Variants in PROP1 observed in about 807,000 individuals in gnomAD.
PROP1 encodes the protein homeobox protein prophet of Pit-1.
Under a neutral mutation model 22.3 loss-of-function variants are expected in PROP1, and 12 were observed. The ratio of observed to expected loss-of-function variants is 0.54; its 90% CI spans 0.34 to 0.87. The LOEUF (loss-of-function observed/expected upper bound fraction) is 0.87, where lower values mean the gene tolerates loss of function less well. PROP1 is among the 40% of genes least tolerant of loss of function. PROP1 has a pLI of 0.01. For missense variants in PROP1, 278 were observed against 295.1 expected, an observed-to-expected ratio of 0.94 and a Z score of 0.43; for synonymous variants, 112 against 116.7, an observed-to-expected ratio of 0.96 and a Z score of 0.26.
rs121917844 is a variant in PROP1 at position 177,994,153 on chromosome 5, G to T, written c.295C>A (p.Arg99=). The T allele has an allele frequency of 6.2e-7, 1 of 1,614,000 alleles. No homozygotes were observed. The highest frequency in any genetic ancestry group is 8.5e-7 in the Non-Finnish European group (1 of 1,180,014). ...CCAGTGTCCCGGGCAAGACTCTCTC[G>T]GGCCCAGATGTCGGGGTACTGGTTC... ...GRNQYPDIWA[R]ESLARDTGLS... Residue 99 remains arginine (R), a synonymous_variant, in exon 2 of 3, where the codon CGA becomes AGA. Transcript: ENST00000308304.
Position 177,992,906 on chromosome 5 carries a change from G to A in PROP1, c.484C>T (p.Pro162Ser), listed in dbSNP as rs1772689747. 1 of 1,613,772 alleles carries A rather than the reference G, an allele frequency of 6.2e-7. No homozygotes were observed. The highest frequency in any genetic ancestry group is 8.5e-7 in the Non-Finnish European group (1 of 1,179,992). The change falls in exon 3 of 3, where the codon CCA becomes TCA. Residue 162 changes from proline (P) to serine (S), a missense_variant. Pro to Ser is a moderately conservative substitution (Grantham distance 74). Coordinates refer to ENST00000308304, the MANE Select transcript of PROP1 (RefSeq NM_006261.5). ...GGGTGAGGGAAGCAGGTCACTGGTGGTGGTGGTGCTGCGTAAGAATAGGGG... is the reference window on the plus strand; with the variant it reads ...GGGTGAGGGAAGCAGGTCACTGGTGATGGTGGTGCTGCGTAAGAATAGGGG... The part of the protein sequence containing the change: ...ACPYSYAAPP[P>S]PVTCFPHPYS...
Position 177,994,321 on chromosome 5 carries a change from AGGGTGGAGCACTC to A in PROP1, c.114_126del (p.Ser39AlafsTer122). 6.2e-7 allele frequency: 1 copy of A among 1,603,676 alleles called. No individual in the cohort carries two copies. On this transcript the variant is annotated frameshift_variant, in exon 2 of 3. Coordinates refer to ENST00000308304, the MANE Select transcript of PROP1 (RefSeq NM_006261.5). LOFTEE classifies it high-confidence loss of function. ...CCTCCTGCACCAGGGAGCCTTCTGC[AGGGTGGAGCACTC>A]GAGTCTGAGAACGGAGAGAAGGGAG...
At chr5:177,994,504 C>A (rs971971381) in intron 1 of PROP1, among the ~76,000 whole-genome samples, 166 bp from the exon 2 acceptor site, 3 of 152,078 alleles carry the variant, frequency 2.0e-5, no homozygotes, top group African/African-American at 7.2e-5. Context: ...GTGGTGTGAT[C>A]ACAGCTCACT....
chr5:177,992,242 G>C lies in PROP1; in HGVS notation c.*467C>G, dbSNP rs1206636621. ...AAAAAAAAAAAAAAAAAAAAAAAAG[G>C]TATTTCTAGGACAGAATAAACAAAA... On this transcript the variant is annotated 3_prime_UTR_variant, in exon 3 of 3. Coordinates refer to ENST00000308304, the MANE Select transcript of PROP1 (RefSeq NM_006261.5). 1 of 136,108 alleles carries C rather than the reference G, an allele frequency of 7.3e-6. No individual in the cohort carries two copies. The highest frequency in any genetic ancestry group is 1.6e-5 in the Non-Finnish European group (1 of 63,688). The allele number at this position is 136,108 out of a possible 1,614,324, so 8.4% of individuals were successfully genotyped here.
rs761347600 is a variant in PROP1, at chr5:177,994,172, C to G, written c.276G>C (p.Gln92His). Residue 92 changes from glutamine to histidine, a missense_variant, in exon 2 of 3, where the codon CAG becomes CAC. Coordinates refer to ENST00000308304, the MANE Select transcript of PROP1 (RefSeq NM_006261.5). ...EQLESAFGRN[Q>H]YPDIWARESL... ...TCTCTCGGGCCCAGATGTCGGGGTA[C>G]TGGTTCCTCCCAAAGGCTGACTCCA... 2.0e-5 allele frequency: 32 copies of G among 1,614,168 alleles called. No individual in the cohort carries two copies. In the Middle Eastern group the frequency reaches 1.2e-3, roughly 58 times the overall value.
In PROP1 at chr5:177,994,226, G is replaced by A. The variant is rs1582663805; in HGVS notation, c.222C>T (p.Thr74=). The change falls in exon 2 of 3, where the codon ACC becomes ACT. Residue 74 remains threonine (T), a synonymous_variant. Transcript: ENST00000308304. ...GTTCCAACTGCACTGGGCTGAAGGT[G>A]GTGCGGTGGCGGCGCCGGGAGTGCG... ...GRPHSRRRHR[T]TFSPVQLEQL... 1.2e-6 allele frequency: 2 copies of A among 1,614,126 alleles called. No homozygotes were observed. The highest frequency in any genetic ancestry group is 1.7e-6 in the Non-Finnish European group (2 of 1,179,994).
Position 177,995,970 on chromosome 5 carries a change from A to C in PROP1, c.-37T>G. On this transcript the variant is annotated 5_prime_UTR_variant, in exon 1 of 3. Coordinates refer to ENST00000308304, the MANE Select transcript of PROP1 (RefSeq NM_006261.5). ...GGGACCAAGTGTCCCTGAATCTCTGACTTGAGATTTCTCTGCTTCCGCAGC... is the reference window on the plus strand; with the variant it reads ...GGGACCAAGTGTCCCTGAATCTCTGCCTTGAGATTTCTCTGCTTCCGCAGC... 6.4e-7 allele frequency: 1 copy of C among 1,564,602 alleles called. No homozygotes were observed. The highest frequency in any genetic ancestry group is 8.8e-7 in the Non-Finnish European group (1 of 1,137,824).
intron 1 of PROP1, among the ~76,000 whole-genome samples, chr5:177,995,191 T>G (rs1243381561): frequency 1.3e-5 from 2 of 151,866 alleles, no homozygotes; most frequent in African/African-American, 4.8e-5. Context: ...CTCCCCTACT[T>G]ACTTTTCATC....
At position 177,992,908 on chromosome 5, in the gene PROP1, G is replaced by C; in HGVS notation, c.482C>G (p.Pro161Arg). ...GTGAGGGAAGCAGGTCACTGGTGGT[G>C]GTGGTGCTGCGTAAGAATAGGGGCA... ...TACPYSYAAP[P>R]PPVTCFPHPY... Residue 161 changes from proline to arginine, a missense_variant, in exon 3 of 3, where the codon CCA becomes CGA. Pro to Arg is a moderately radical substitution (Grantham distance 103, BLOSUM62 -2). Transcript: ENST00000308304. 1 of 1,613,868 alleles carries C rather than the reference G, an allele frequency of 6.2e-7. No homozygotes were observed. The highest frequency in any genetic ancestry group is 8.5e-7 in the Non-Finnish European group (1 of 1,179,970).
At chr5:177,993,725 C>G (rs1442413891) in intron 2 of PROP1, among the ~76,000 whole-genome samples, 1 of 152,138 alleles carries the variant, frequency 6.6e-6, no homozygotes, top group East Asian at 1.9e-4. Flanking sequence ...GCCACTATGC[C>G]TGGCTAATTT....
In PROP1 at chr5:177,995,981, C is replaced by A. The variant is rs760398310; in HGVS notation, c.-48G>T. 2 of 1,528,462 alleles carry A rather than the reference C, an allele frequency of 1.3e-6. No individual in the cohort carries two copies. Among genetic ancestry groups the A allele is most frequent in the Non-Finnish European group, 1.8e-6 (2 of 1,106,638 alleles). 94.7% of individuals were successfully genotyped at this position (1,528,462 alleles called of 1,614,324 possible). On this transcript the variant is annotated 5_prime_UTR_variant, in exon 1 of 3. Transcript: ENST00000308304. ...TCCCTGAATCTCTGACTTGAGATTTCTCTGCTTCCGCAGCTCCTCTCCACA... is the reference window on the plus strand; with the variant it reads ...TCCCTGAATCTCTGACTTGAGATTTATCTGCTTCCGCAGCTCCTCTCCACA...
Position 177,995,682 on chromosome 5 carries a change from T to C in PROP1, c.109+143A>G, listed in dbSNP as rs1036405424. 2.2e-5 allele frequency: 16 copies of C among 711,298 alleles called. No individual in the cohort carries two copies. In the East Asian group the frequency reaches 4.3e-4, roughly 19 times the overall value. The allele number at this position is 711,298 out of a possible 1,614,324, so 44.1% of individuals were successfully genotyped here. On this transcript the variant is annotated intron_variant, in intron 1 of 2. Coordinates refer to ENST00000308304, the MANE Select transcript of PROP1 (RefSeq NM_006261.5). The stretch of plus-strand genomic sequence containing the variant: ...AAGCCAAGGGGTGCTCCAGTCCCTT[T>C]TACTTTCAAAGGTTCCCACAGTTTT...
intron 2 of PROP1, 98 bp from the exon 3 acceptor site, chr5:177,993,145 T>A (rs1252460125): frequency 9.5e-7 from 1 of 1,056,556 alleles, no homozygotes; most frequent in Non-Finnish European, 1.4e-6. Context: ...AGCAGGCTTC[T>A]CCAGCATGGC....
Position 177,995,934 on chromosome 5 carries a change from G to A in PROP1, c.-1C>T. 6.2e-7 allele frequency: 1 copy of A among 1,611,782 alleles called. No homozygotes were observed. Among genetic ancestry groups the A allele is most frequent in the Non-Finnish European group, 8.5e-7 (1 of 1,178,682 alleles). On this transcript the variant is annotated 5_prime_UTR_variant, in exon 1 of 3. Coordinates refer to ENST00000308304, the MANE Select transcript of PROP1 (RefSeq NM_006261.5). ...CCTGGCGCCTCCTTTCTGCTTCCAT[G>A]GCTCGCCACGGGGACCAAGTGTCCC... is the stretch of plus-strand genomic sequence containing the variant.
chr5:177,995,960 T>A lies in PROP1; in HGVS notation c.-27A>T. 6.3e-7 allele frequency: 1 copy of A among 1,589,350 alleles called. No individual in the cohort carries two copies. The highest frequency in any genetic ancestry group is 1.1e-5 in the South Asian group (1 of 90,554). ...GCTCGCCACGGGGACCAAGTGTCCC[T>A]GAATCTCTGACTTGAGATTTCTCTG... On this transcript the variant is annotated 5_prime_UTR_variant, in exon 1 of 3. Coordinates refer to ENST00000308304, the MANE Select transcript of PROP1 (RefSeq NM_006261.5).
In PROP1 at chr5:177,994,254, C is replaced by G; in HGVS notation, c.194G>C (p.Arg65Pro). Reference sequence around the variant, plus strand: ...GCGGTGGCGGCGCCGGGAGTGCGGGCGGCCCCTCTGTCCTCCTTGCGGGGA... The same window carrying G: ...GCGGTGGCGGCGCCGGGAGTGCGGGGGGCCCCTCTGTCCTCCTTGCGGGGA... ...RFSPQGGQRG[R>P]PHSRRRHRTT... The change falls in exon 2 of 3, where the codon CGC becomes CCC. Residue 65 changes from arginine to proline, a missense_variant. Transcript: ENST00000308304. The G allele has an allele frequency of 6.2e-7, 1 of 1,613,944 alleles. No homozygotes were observed. The highest frequency in any genetic ancestry group is 8.5e-7 in the Non-Finnish European group (1 of 1,179,910).
In PROP1 at chr5:177,994,308, G is replaced by A. The variant is rs775802898; in HGVS notation, c.140C>T (p.Pro47Leu). ...CCTTGATCTCCCCCCTCCTGCACCA[G>A]GGAGCCTTCTGCAGGGTGGAGCACT... The part of the protein sequence containing the change: ...DSSAPPCRRL[P>L]GAGGGRSRFS... The change falls in exon 2 of 3, where the codon CCT becomes CTT. Residue 47 changes from proline to leucine, a missense_variant. By Grantham distance (98) the Pro-to-Leu change is moderately conservative. Transcript: ENST00000308304. The A allele has an allele frequency of 6.2e-6, 10 of 1,609,512 alleles. No homozygotes were observed. In the Admixed American group the frequency reaches 1.0e-4, roughly 16 times the overall value.
rs1356840769 is a variant in PROP1 at position 177,995,975 on chromosome 5, A to C, written c.-42T>G. 1.9e-6 allele frequency: 3 copies of C among 1,564,754 alleles called. No individual in the cohort carries two copies. Among genetic ancestry groups the C allele is most frequent in the African/African-American group, 2.7e-5 (2 of 74,032 alleles). On this transcript the variant is annotated 5_prime_UTR_variant, in exon 1 of 3. Coordinates refer to ENST00000308304, the MANE Select transcript of PROP1 (RefSeq NM_006261.5). The stretch of plus-strand genomic sequence containing the variant: ...CAAGTGTCCCTGAATCTCTGACTTG[A>C]GATTTCTCTGCTTCCGCAGCTCCTC...
chr5:177,992,932 C>A lies in PROP1; in HGVS notation c.458G>T (p.Cys153Phe). The A allele has an allele frequency of 1.9e-6, 3 of 1,613,744 alleles. No individual in the cohort carries two copies. The highest frequency in any genetic ancestry group is 1.7e-6 in the Non-Finnish European group (2 of 1,179,932). The stretch of plus-strand genomic sequence containing the variant: ...TGGTGGTGCTGCGTAAGAATAGGGG[C>A]AAGCAGTGGACTCTGGCAAGAAGCT... ...FSSFLPESTA[C>F]PYSYAAPPPP... Residue 153 changes from cysteine (C) to phenylalanine (F), a missense_variant, in exon 3 of 3, where the codon TGC (cysteine) becomes TTC (phenylalanine). By Grantham distance (205) the Cys-to-Phe change is radical. Transcript: ENST00000308304.
Sources: allele counts gnomAD v4.1 joint callset (sites outside exome capture counted in the v4.1 genomes callset), GRCh38; gene constraint gnomAD v4.1.1; transcripts MANE v1.5; gene names NCBI Gene and HGNC (gene_info 2026-07-23, HGNC 2026-07-21).